The following CACHD1 variants were observed in gnomAD, a reference collection of about 807,000 sequenced individuals.
The protein encoded by CACHD1 is cache domain containing 1, also known as VWFA and cache domain-containing protein 1.
Under a neutral mutation model 138.7 loss-of-function variants are expected in CACHD1, and 71 were observed. That is an observed-to-expected ratio of 0.51 (90% CI 0.42 to 0.62). The LOEUF (loss-of-function observed/expected upper bound fraction) is 0.62, where lower values mean the gene tolerates loss of function less well. Among genes scored for constraint, CACHD1 ranks in the 20% least tolerant of loss-of-function variants. The pLI is 0.00. For synonymous variants in CACHD1, 578 were observed against 591.5 expected, an observed-to-expected ratio of 0.98 and a Z score of 0.33; for missense variants, 1,389 against 1,625.3, an observed-to-expected ratio of 0.85 and a Z score of 2.50.
intron 4 of CACHD1, among the ~76,000 whole-genome samples, chr1:64,605,047 A>G (rs1570409564): frequency 6.7e-6 from 1 of 149,810 alleles, no homozygotes; most frequent in Non-Finnish European, 1.5e-5. Flanking sequence ...GCTCACTGCA[A>G]CCTCTGCCTT....
intron 1 of CACHD1, among the ~76,000 whole-genome samples, chr1:64,547,422 A>G (rs1464813354): frequency 6.6e-6 from 1 of 152,072 alleles, no homozygotes; most frequent in East Asian, 1.9e-4. Flanking sequence ...CTGGAGTGCA[A>G]TGGTGCTTTC....
chr1:64,692,107 C>T lies in CACHD1; in HGVS notation c.*546C>T, dbSNP rs925869029. 3 of 154,190 alleles carry T rather than the reference C, an allele frequency of 1.9e-5. No individual in the cohort carries two copies. Among genetic ancestry groups the T allele is most frequent in the Non-Finnish European group, 2.9e-5 (2 of 69,004 alleles). 9.6% of individuals were successfully genotyped at this position (154,190 alleles called of 1,614,324 possible). A position where few individuals can be genotyped will look rare whatever the true frequency, so the allele number is the denominator to read the frequency against. On this transcript the variant is annotated 3_prime_UTR_variant, in exon 27 of 27. Coordinates refer to ENST00000651257, the MANE Select transcript of CACHD1 (RefSeq NM_020925.4). ...TTCTAAGTAAAGGATTATTTTTCTA[C>T]TATTTATTGAACTTTCAAACATTCT...
At chr1:64,687,545 G>GTGCCCTCCTGAGT (rs1650408032) in intron 26 of CACHD1, among the ~76,000 whole-genome samples, 1 of 152,128 alleles carries the variant, frequency 6.6e-6, no homozygotes, top group Non-Finnish European at 1.5e-5. Context: ...GAAGAGATGG[G>GTGCCCTCCTGAGT]TGCCCTCCTG....
chr1:64,635,317 C>T (rs985351279), intron 7 of CACHD1, among the ~76,000 whole-genome samples: 34 of 151,578 alleles, frequency 2.2e-4, no homozygotes, highest in Non-Finnish European at 2.9e-5. Context: ...ATCCTTCCTT[C>T]TTCTAACCAG....
intron 2 of CACHD1, among the ~76,000 whole-genome samples, chr1:64,560,410 C>T (rs1169679462): frequency 1.3e-5 from 2 of 151,976 alleles, no homozygotes; most frequent in African/African-American, 4.8e-5. Context: ...TTTCTATCAT[C>T]ATTCAGTTTT....
chr1:64,569,578 C>T lies in CACHD1; in HGVS notation c.262-12578C>T, dbSNP rs1045490859. ...CTGGAGAGGAGCAGCGGGGGCCTTG[C>T]GGCAGGGCAGGAAGAGACATGTAAG... On this transcript the variant is annotated intron_variant, in intron 2 of 26. Coordinates refer to ENST00000651257, the MANE Select transcript of CACHD1 (RefSeq NM_020925.4). Among the ~76,000 whole-genome samples, 5 of 152,200 alleles carry T rather than the reference C, an allele frequency of 3.3e-5. No individual in the cohort carries two copies. In the South Asian group the frequency reaches 6.2e-4, roughly 19 times the overall value.
intron 9 of CACHD1, among the ~76,000 whole-genome samples, chr1:64,651,710 A>T (rs144215435): frequency 1.3e-4 from 20 of 152,364 alleles, no homozygotes; most frequent in African/African-American, 4.8e-4. Flanking sequence ...CAGAGTAGTT[A>T]TATCCATTGT....
At chr1:64,580,199 GA>G (rs1426182445) in intron 2 of CACHD1, among the ~76,000 whole-genome samples, 1 of 152,080 alleles carries the variant, frequency 6.6e-6, no homozygotes, top group African/African-American at 2.4e-5. Context: ...AACAAAGAAT[GA>G]AAAAAATTGC....
At position 64,492,125 on chromosome 1, in the gene CACHD1, T is replaced by A. The variant is rs566630528; in HGVS notation, c.198+21183T>A. On this transcript the variant is annotated intron_variant, in intron 1 of 26. Transcript: ENST00000651257. ...AATTTTAAAAGATGGAAGCTTTTTT[T>A]AAAAAAAGAAATTTGGAATAAAAGG... is the stretch of plus-strand genomic sequence containing the variant. Among the ~76,000 whole-genome samples the A allele has an allele frequency of 7.1e-4, 108 of 151,774 alleles. 1 individual carries two copies. Among genetic ancestry groups the A allele is most frequent in the South Asian group, 5.0e-3 (24 of 4,794 alleles).
At chr1:64,536,273 T>G (rs1277016381) in intron 1 of CACHD1, among the ~76,000 whole-genome samples, 1 of 152,184 alleles carries the variant, frequency 6.6e-6, no homozygotes, top group East Asian at 1.9e-4. Context: ...CAATATGCCT[T>G]CAACTCTAGA....
chr1:64,611,139 G>T (rs1454271712), intron 4 of CACHD1, among the ~76,000 whole-genome samples: 3 of 152,154 alleles, frequency 2.0e-5, no homozygotes, highest in Non-Finnish European at 4.4e-5. Context: ...CAGACTAGTG[G>T]GTCCCTGAGC....
rs573419929 is a variant in CACHD1, at chr1:64,682,251, C to T, written c.3586+145C>T. 208 of 690,090 alleles carry T rather than the reference C, an allele frequency of 3.0e-4. 2 individuals carry two copies. The South Asian group carries it at 3.7e-3, about 12-fold the overall frequency. 42.7% of individuals were successfully genotyped at this position (690,090 alleles called of 1,614,324 possible). A position where few individuals can be genotyped will look rare whatever the true frequency, so the allele number is the denominator to read the frequency against. ...TTATAAGAGCCCGAGGACAGTTTTACTTATGTCTCAGCACTCCTCTGGGCA... is the reference window on the plus strand; with the variant it reads ...TTATAAGAGCCCGAGGACAGTTTTATTTATGTCTCAGCACTCCTCTGGGCA... On this transcript the variant is annotated intron_variant, in intron 26 of 26. Coordinates refer to ENST00000651257, the MANE Select transcript of CACHD1 (RefSeq NM_020925.4).
At chr1:64,686,258 A>T (rs1570485552) in intron 26 of CACHD1, among the ~76,000 whole-genome samples, 1 of 152,226 alleles carries the variant, frequency 6.6e-6, no homozygotes, top group South Asian at 2.1e-4. Context: ...AAGTCTATAA[A>T]TACATGACTA....
chr1:64,592,666 A>C (rs1001860498), intron 3 of CACHD1, among the ~76,000 whole-genome samples: 8 of 152,294 alleles, frequency 5.3e-5, no homozygotes, highest in Admixed American at 5.2e-4. Flanking sequence ...GTGGGCTTGA[A>C]ACACTAGGTC....
intron 1 of CACHD1, among the ~76,000 whole-genome samples, chr1:64,505,183 T>C (rs1162455790): frequency 6.6e-6 from 1 of 152,186 alleles, no homozygotes; most frequent in African/African-American, 2.4e-5. Flanking sequence ...CGGATGACCG[T>C]GCAGGAACTG....
intron 1 of CACHD1, among the ~76,000 whole-genome samples, chr1:64,475,031 G>T (rs1175687766): frequency 1.3e-5 from 2 of 152,166 alleles, no homozygotes; most frequent in Admixed American, 6.5e-5. Context: ...CTAGAACAGA[G>T]GCATGTTCAG....
In CACHD1 at chr1:64,666,092, C is replaced by T; in HGVS notation, c.2312C>T (p.Ser771Phe). ...LHAVANPGLI[S>F]LTGPYLDVGG... is the part of the protein sequence containing the mutation. ...GCAGTAGCTAATCCAGGGTTGATTT[C>T]TTTGACTGGTCCTTACTTAGATGTT... The change falls in exon 16 of 27, where the codon TCT becomes TTT. Residue 771 changes from serine (S) to phenylalanine (F), a missense_variant. Coordinates refer to ENST00000651257, the MANE Select transcript of CACHD1 (RefSeq NM_020925.4). 3 of 1,612,648 alleles carry T rather than the reference C, an allele frequency of 1.9e-6. No homozygotes were observed. Among genetic ancestry groups the T allele is most frequent in the Non-Finnish European group, 2.5e-6 (3 of 1,178,812 alleles).
chr1:64,659,223 C>T (rs540954866), intron 13 of CACHD1, among the ~76,000 whole-genome samples: 41 of 151,996 alleles, frequency 2.7e-4, no homozygotes, highest in Non-Finnish European at 5.6e-4. Flanking sequence ...TAAATTACAC[C>T]AATAGAGTTT....
At chr1:64,515,398 C>T (rs947412678) in intron 1 of CACHD1, among the ~76,000 whole-genome samples, 3 of 152,190 alleles carry the variant, frequency 2.0e-5, no homozygotes, top group Non-Finnish European at 2.9e-5. Flanking sequence ...CCCTAAGAGC[C>T]TCCTCAACTC....
Sources: gnomAD v4.1 joint callset for allele counts (sites outside exome capture counted in the v4.1 genomes callset) on GRCh38, gnomAD v4.1.1 for gene constraint, MANE v1.5 for transcripts, NCBI Gene and HGNC (gene_info 2026-07-23, HGNC 2026-07-21) for gene names.